Variants in IL1RAPL2 observed in about 807,000 individuals in gnomAD.
IL1RAPL2 encodes X-linked interleukin-1 receptor accessory protein-like 2.
In IL1RAPL2, 3 loss-of-function variants were observed where a neutral mutation model predicts 44.1. The ratio of observed to expected loss-of-function variants is 0.07; its 90% CI spans 0.03 to 0.18. The LOEUF is 0.18. Among genes scored for constraint, IL1RAPL2 ranks in the 10% least tolerant of loss-of-function variants. IL1RAPL2 has a pLI of 1.00. For synonymous variants in IL1RAPL2, 181 were observed against 178.8 expected (o/e 1.01, Z -0.10); for missense variants, 391 against 496.4 (o/e 0.79, Z 2.02).
At chrX:105,314,172 A>G (rs2034818920) in intron 5 of IL1RAPL2, among the ~76,000 whole-genome samples, 1 of 111,613 alleles carries the variant, frequency 9.0e-6, no homozygotes, top group Non-Finnish European at 1.9e-5. Context: ...AGAAAAGTAA[A>G]TGTTACAATG....
At chrX:104,880,214 A>G (rs1207907444) in intron 2 of IL1RAPL2, among the ~76,000 whole-genome samples, 7 of 111,434 alleles carry the variant, frequency 6.3e-5, no homozygotes, top group African/African-American at 2.3e-4. Context: ...AAATCTTAGA[A>G]TTGGGGACAT....
chrX:104,681,262 AACTT>A (rs2147539650), intron 2 of IL1RAPL2, among the ~76,000 whole-genome samples: 1 of 112,470 alleles, frequency 8.9e-6, no homozygotes, highest in Non-Finnish European at 1.9e-5. Flanking sequence ...AATACAGAAA[AACTT>A]AATTTAAAAT....
chrX:104,777,231 G>A (rs941619604), intron 2 of IL1RAPL2, among the ~76,000 whole-genome samples: 2 of 110,215 alleles, frequency 1.8e-5, no homozygotes, highest in African/African-American at 3.3e-5. Context: ...CCTACCCACT[G>A]GTAGCTACCA....
chrX:105,478,857 A>C (rs1354953716), intron 5 of IL1RAPL2, among the ~76,000 whole-genome samples: 1 of 112,098 alleles, frequency 8.9e-6, no homozygotes, highest in Non-Finnish European at 1.9e-5. Context: ...CCAATGTCAC[A>C]TACTATCTTC....
chrX:105,549,966 T>C (rs760279844), intron 6 of IL1RAPL2, among the ~76,000 whole-genome samples: 1 of 112,334 alleles, frequency 8.9e-6, no homozygotes, highest in South Asian at 3.7e-4. Flanking sequence ...TTCCCTAAAA[T>C]GTGGGATTCT....
chrX:104,756,215 T>G (rs1272827700), intron 2 of IL1RAPL2, among the ~76,000 whole-genome samples: 1 of 111,505 alleles, frequency 9.0e-6, no homozygotes, highest in East Asian at 2.8e-4. Flanking sequence ...TTGTGTGTGT[T>G]TGTATTGGGA....
At chrX:104,840,913 C>A (rs1485433303) in intron 2 of IL1RAPL2, among the ~76,000 whole-genome samples, 1 of 109,849 alleles carries the variant, frequency 9.1e-6, no homozygotes, top group Non-Finnish European at 1.9e-5. Flanking sequence ...TGGTCTTGAA[C>A]TCCTGACATC....
intron 5 of IL1RAPL2, among the ~76,000 whole-genome samples, chrX:105,316,111 T>C (rs1353615551): frequency 9.1e-6 from 1 of 110,057 alleles, no homozygotes; most frequent in Non-Finnish European, 1.9e-5. Flanking sequence ...CCATCTCTAC[T>C]AAAAATACAA....
At chrX:105,516,819 C>A (rs2036518394) in intron 6 of IL1RAPL2, among the ~76,000 whole-genome samples, 5 of 111,675 alleles carry the variant, frequency 4.5e-5, no homozygotes, top group Admixed American at 3.8e-4. Context: ...AAGGAGCTCA[C>A]ATCCAAGTAG....
chrX:105,395,789 C>G (rs750963672), intron 5 of IL1RAPL2, among the ~76,000 whole-genome samples: 43 of 111,900 alleles, frequency 3.8e-4, no homozygotes, highest in African/African-American at 1.4e-3. Context: ...CTTTTTTCTT[C>G]TCTTCTCTAT....
At chrX:105,451,879 G>A (rs2036021857) in intron 5 of IL1RAPL2, among the ~76,000 whole-genome samples, 1 of 111,163 alleles carries the variant, frequency 9.0e-6, no homozygotes, top group African/African-American at 3.3e-5. Flanking sequence ...CAGAGAGAGA[G>A]GTAGAGTTTT....
At chrX:105,305,411 CACTTTCATCTTTAAA>C (rs1202677622) in intron 5 of IL1RAPL2, among the ~76,000 whole-genome samples, 1 of 111,333 alleles carries the variant, frequency 9.0e-6, no homozygotes, top group Non-Finnish European at 1.9e-5. Context: ...TTGTCAATGA[CACTTTCATCTTTAAA>C]ATATCTTTTT....
chrX:105,451,281 C>T (rs1340245594), intron 5 of IL1RAPL2, among the ~76,000 whole-genome samples: 1 of 111,542 alleles, frequency 9.0e-6, no homozygotes, highest in Admixed American at 9.6e-5. Flanking sequence ...ACATCGCTAT[C>T]TCTTGACCTC....
chrX:105,494,377 A>T (rs1248221638), intron 6 of IL1RAPL2, among the ~76,000 whole-genome samples: 1 of 112,206 alleles, frequency 8.9e-6, no homozygotes, highest in Non-Finnish European at 1.9e-5. Context: ...ATCTCTTTTA[A>T]TTCAAATATT....
Position 105,185,150 on chromosome X carries a change from T to C in IL1RAPL2, c.83-10325T>C, listed in dbSNP as rs1327620925. Among the ~76,000 whole-genome samples, 4 of 111,844 alleles carry C rather than the reference T, an allele frequency of 3.6e-5. No individual in the cohort carries two copies. In the East Asian group the frequency reaches 1.1e-3, roughly 31 times the overall value. On this transcript the variant is annotated intron_variant, in intron 2 of 10. Coordinates refer to ENST00000372582, the MANE Select transcript of IL1RAPL2 (RefSeq NM_017416.2). ...TAATATCTTTTTTTCAAGATACTTA[T>C]CTATGTATATAAGAGCCTAAACTTG...
At position 105,340,567 on chromosome X, in the gene IL1RAPL2, C is replaced by T. The variant is rs943434017; in HGVS notation, c.697+73026C>T. On this transcript the variant is annotated intron_variant, in intron 5 of 10. Transcript: ENST00000372582. ...CTCCCTTCACTTCAGCCACATTGGC[C>T]ACCTTGATGTTCCTTAAACACACCT... is the stretch of plus-strand genomic sequence containing the variant. 2.1e-4 allele frequency among the ~76,000 whole-genome samples: 24 copies of T among 112,032 alleles called. 1 individual carries two copies. Among genetic ancestry groups the T allele is most frequent in the Admixed American group, 2.9e-4 (3 of 10,520 alleles).
intron 4 of IL1RAPL2, among the ~76,000 whole-genome samples, chrX:105,263,061 T>A (rs2034372573): frequency 9.1e-6 from 1 of 110,147 alleles, no homozygotes; most frequent in Non-Finnish European, 1.9e-5. Context: ...AATTTTGTAT[T>A]TTTAGTAGAG....
chrX:105,570,344 T>C (rs966199372), intron 6 of IL1RAPL2, among the ~76,000 whole-genome samples: 1 of 112,266 alleles, frequency 8.9e-6, no homozygotes, highest in African/African-American at 3.2e-5. Flanking sequence ...TATCCACTCG[T>C]TGGTTAATAG....
intron 2 of IL1RAPL2, among the ~76,000 whole-genome samples, chrX:105,104,987 C>T (rs904663941): frequency 1.8e-5 from 2 of 111,905 alleles, no homozygotes; most frequent in Non-Finnish European, 3.8e-5. Flanking sequence ...TGAAAGCCCC[C>T]TGATAACAAG....
Sources: allele counts gnomAD v4.1 joint callset (sites outside exome capture counted in the v4.1 genomes callset), GRCh38; gene constraint gnomAD v4.1.1; transcripts MANE v1.5; gene names NCBI Gene and HGNC (gene_info 2026-07-23, HGNC 2026-07-21).